Variants in ACTL8 observed in about 807,000 individuals in gnomAD.
The protein encoded by ACTL8 is actin like 8.
A neutral mutation model predicts 9.3 loss-of-function variants in ACTL8; 3 were observed. The ratio of observed to expected loss-of-function variants is 0.32; its 90% CI spans 0.15 to 0.83. The LOEUF (loss-of-function observed/expected upper bound fraction) is 0.83, where lower values mean the gene tolerates loss of function less well. Ranked by LOEUF, ACTL8 falls within the 40% of genes least tolerant of loss-of-function variation. The pLI is 0.57. For missense variants in ACTL8, 381 were observed against 492.2 expected (o/e 0.77, Z 2.14); for synonymous variants, 224 against 205.9 (o/e 1.09, Z -0.75).
Position 17,767,586 on chromosome 1 carries a change from C to T in ACTL8, c.-25+12082C>T, listed in dbSNP as rs1034374242. On this transcript the variant is annotated intron_variant, in intron 1 of 2. Coordinates refer to ENST00000375406, the MANE Select transcript of ACTL8 (RefSeq NM_030812.3). This position sits in a 1 kb window ranked among gnomAD's most constrained non-coding sequence, Gnocchi z 4.7. ...CCCGGGCACTGCTCTTTTGTGGCTG[C>T]CTTGTCCAGTGGTTATTTGGTGCGC... Among the ~76,000 whole-genome samples, 4 of 152,120 alleles carry T rather than the reference C, an allele frequency of 2.6e-5. No homozygotes were observed. Among genetic ancestry groups the T allele is most frequent in the Non-Finnish European group, 5.9e-5 (4 of 68,026 alleles).
In ACTL8 at chr1:17,755,804, G is replaced by A. The variant is rs1312787905; in HGVS notation, c.-25+300G>A. On this transcript the variant is annotated intron_variant, in intron 1 of 2. Coordinates refer to ENST00000375406, the MANE Select transcript of ACTL8 (RefSeq NM_030812.3). ...GCCCTTCCTTGGGGGCCCAAGCTTA[G>A]CCCCTTGTGGGGGCACCGCCTGGAG... is the stretch of plus-strand genomic sequence containing the variant. Among the ~76,000 whole-genome samples, 7 of 151,764 alleles carry A rather than the reference G, an allele frequency of 4.6e-5. No individual in the cohort carries two copies. The East Asian group carries it at 7.8e-4, about 17-fold the overall frequency.
intron 1 of ACTL8, among the ~76,000 whole-genome samples, chr1:17,798,998 G>A (rs773227995): frequency 1.3e-5 from 2 of 152,150 alleles, no homozygotes; most frequent in African/African-American, 2.4e-5. Flanking sequence ...AGCTCTCCAC[G>A]GATGCATTCC....
intron 1 of ACTL8, among the ~76,000 whole-genome samples, chr1:17,783,476 G>A (rs2066172257): frequency 6.6e-6 from 1 of 151,998 alleles, no homozygotes; most frequent in Non-Finnish European, 1.5e-5. Context: ...ACTTGTGCTC[G>A]CTTTGGCAGC....
chr1:17,757,169 A>C (rs2065973117), intron 1 of ACTL8, among the ~76,000 whole-genome samples: 1 of 152,182 alleles, frequency 6.6e-6, no homozygotes, highest in Admixed American at 6.5e-5. Flanking sequence ...AAATGTGTAG[A>C]TAATGACATA....
chr1:17,820,722 C>T (rs2053651646), intron 1 of ACTL8, among the ~76,000 whole-genome samples: 1 of 152,218 alleles, frequency 6.6e-6, no homozygotes, highest in East Asian at 1.9e-4. Context: ...TATGTGTCAC[C>T]ACGCCCAGCT....
intron 1 of ACTL8, among the ~76,000 whole-genome samples, chr1:17,809,984 A>C (rs2066383598): frequency 6.6e-6 from 1 of 152,188 alleles, no homozygotes; most frequent in African/African-American, 2.4e-5. Flanking sequence ...ATTTAACTGC[A>C]GTTTGTTCTG....
intron 1 of ACTL8, among the ~76,000 whole-genome samples, chr1:17,820,513 C>G (rs979798838): frequency 5.3e-5 from 8 of 151,230 alleles, no homozygotes; most frequent in Admixed American, 2.0e-4. Context: ...TTTCATTTCC[C>G]TTGAGTAAAT....
In ACTL8 at chr1:17,826,060, G is replaced by T; in HGVS notation, c.642G>T (p.Val214=). The part of the protein sequence containing the change: ...VAVTQMNKCY[V]PQNLGEALDF... The stretch of plus-strand genomic sequence containing the variant: ...TGACTCAGATGAACAAGTGCTACGT[G>T]CCGCAGAATCTGGGGGAGGCCCTGG... The change falls in exon 3 of 3, where the codon GTG becomes GTT. Residue 214 remains valine (V), a synonymous_variant. Coordinates refer to ENST00000375406, the MANE Select transcript of ACTL8 (RefSeq NM_030812.3). This position sits in a 1 kb window ranked among gnomAD's most constrained non-coding sequence, Gnocchi z 4.5. 1 of 1,607,042 alleles carries T rather than the reference G, an allele frequency of 6.2e-7. No individual in the cohort carries two copies. The highest frequency in any genetic ancestry group is 8.5e-7 in the Non-Finnish European group (1 of 1,179,992).
intron 1 of ACTL8, among the ~76,000 whole-genome samples, chr1:17,816,683 C>G (rs1177311638): frequency 1.3e-5 from 2 of 152,144 alleles, no homozygotes; most frequent in African/African-American, 4.8e-5. Context: ...GCTGTGAGTT[C>G]AGTACAAAGG....
At chr1:17,792,641 C>T (rs2066248309) in intron 1 of ACTL8, among the ~76,000 whole-genome samples, 1 of 152,222 alleles carries the variant, frequency 6.6e-6, no homozygotes, top group African/African-American at 2.4e-5. Flanking sequence ...CTCATCCTGC[C>T]ATTACCTTTG....
chr1:17,805,183 C>T (rs1172541241), intron 1 of ACTL8, among the ~76,000 whole-genome samples: 1 of 152,012 alleles, frequency 6.6e-6, no homozygotes, highest in Non-Finnish European at 1.5e-5. Context: ...CAGAACCCTG[C>T]CTGGAATTCT....
At chr1:17,778,516 C>T (rs1303902738) in intron 1 of ACTL8, among the ~76,000 whole-genome samples, 1 of 151,892 alleles carries the variant, frequency 6.6e-6, no homozygotes, top group African/African-American at 2.4e-5. Flanking sequence ...AGAGAAGGGC[C>T]ACTTTTGGTG....
At chr1:17,760,577 T>G (rs890506381) in intron 1 of ACTL8, among the ~76,000 whole-genome samples, 1 of 152,234 alleles carries the variant, frequency 6.6e-6, no homozygotes, top group African/African-American at 2.4e-5. Flanking sequence ...CTAGCCATTA[T>G]GTGTTCACAG....
At chr1:17,791,239 G>A (rs890460299) in intron 1 of ACTL8, among the ~76,000 whole-genome samples, 1 of 152,164 alleles carries the variant, frequency 6.6e-6, no homozygotes. Context: ...CCCAGCTCCC[G>A]CCAGCTCCAC....
chr1:17,788,650 A>G (rs892571538), intron 1 of ACTL8, among the ~76,000 whole-genome samples: 2 of 152,170 alleles, frequency 1.3e-5, no homozygotes, highest in Non-Finnish European at 2.9e-5. Flanking sequence ...AAACAGCAAG[A>G]GGAGTGGGGT....
At chr1:17,820,616 G>A (rs2053649084) in intron 1 of ACTL8, among the ~76,000 whole-genome samples, 1 of 150,894 alleles carries the variant, frequency 6.6e-6, no homozygotes. Flanking sequence ...CACCCAGGCT[G>A]GAGTACAATG....
rs563640791 is a variant in ACTL8 at position 17,760,954 on chromosome 1, A to C, written c.-25+5450A>C. ...TGGATCCGAGGGGGTAAGTGCCTCT[A>C]ATTATGTGCGGCAGTGACGTTTAAA... On this transcript the variant is annotated intron_variant, in intron 1 of 2. Coordinates refer to ENST00000375406, the MANE Select transcript of ACTL8 (RefSeq NM_030812.3). Among the ~76,000 whole-genome samples the C allele has an allele frequency of 1.1e-3, 166 of 152,116 alleles. 1 individual carries two copies. Among genetic ancestry groups the C allele is most frequent in the Non-Finnish European group, 7.2e-4 (49 of 68,026 alleles).
intron 1 of ACTL8, among the ~76,000 whole-genome samples, chr1:17,796,022 A>T (rs1490822286): frequency 6.6e-6 from 1 of 152,040 alleles, no homozygotes; most frequent in African/African-American, 2.4e-5. Flanking sequence ...TGAGCTAGGG[A>T]GGGAGAGAGC....
rs1018306468 is a variant in ACTL8 at position 17,820,630 on chromosome 1, C to T, written c.-24-2355C>T. Among the ~76,000 whole-genome samples, 29 of 149,648 alleles carry T rather than the reference C, an allele frequency of 1.9e-4. No homozygotes were observed. The East Asian group carries it at 2.2e-3, about 11-fold the overall frequency. ...TCACCCAGGCTGGAGTACAATGGTG[C>T]GATCTTGGCTCACCGCAACCTCCAC... On this transcript the variant is annotated intron_variant, in intron 1 of 2. Transcript: ENST00000375406.
Sources: gnomAD v4.1 joint callset for allele counts (sites outside exome capture counted in the v4.1 genomes callset) on GRCh38, gnomAD v4.1.1 for gene constraint, Gnocchi (gnomAD v3.1) non-coding constraint, MANE v1.5 for transcripts, NCBI Gene and HGNC (gene_info 2026-07-23, HGNC 2026-07-21) for gene names.